The following KPNA1 variants were observed in gnomAD, a reference collection of about 807,000 sequenced individuals.
KPNA1 encodes the protein karyopherin subunit alpha 1.
KPNA1 carries 10 observed loss-of-function variants against 70.5 expected under a neutral mutation model. The ratio of observed to expected loss-of-function variants is 0.14; its 90% CI spans 0.09 to 0.24. The LOEUF (loss-of-function observed/expected upper bound fraction) is 0.24. Among genes scored for constraint, KPNA1 ranks in the 10% least tolerant of loss-of-function variants. The pLI, the probability that KPNA1 is intolerant of heterozygous loss-of-function variation, is 1.00. For synonymous variants in KPNA1, 192 were observed against 221.9 expected, an observed-to-expected ratio of 0.87 and a Z score of 1.20; for missense variants, 397 against 637.9, an observed-to-expected ratio of 0.62 and a Z score of 4.07.
chr3:122,512,948 A>C (rs2107515596), intron 1 of KPNA1, among the ~76,000 whole-genome samples: 2 of 152,336 alleles, frequency 1.3e-5, no homozygotes, highest in East Asian at 3.8e-4. Context: ...AATGTTATGC[A>C]GTCAATATTT....
Position 122,423,730 on chromosome 3 carries a change from C to G in KPNA1, c.*3255G>C, listed in dbSNP as rs746253282. The G allele has an allele frequency of 6.6e-6, 1 of 152,606 alleles. No homozygotes were observed. The highest frequency in any genetic ancestry group is 6.5e-5 in the Admixed American group (1 of 15,284). The allele number at this position is 152,606 out of a possible 1,614,324, so 9.5% of individuals were successfully genotyped here. On this transcript the variant is annotated 3_prime_UTR_variant, in exon 14 of 14. Coordinates refer to ENST00000344337, the MANE Select transcript of KPNA1 (RefSeq NM_002264.4). ...AAGTTTGGTTTATAAAATATACTTA[C>G]ATATTGTTTCTTAGGCAAAAATCGG... is the stretch of plus-strand genomic sequence containing the variant.
At chr3:122,442,597 T>G (rs1223748329) in intron 9 of KPNA1, 1 of 153,908 alleles carries the variant, frequency 6.5e-6, no homozygotes, top group Non-Finnish European at 1.4e-5. Flanking sequence ...GTCTTTCAAC[T>G]AAACTTACTA....
At chr3:122,442,321 G>A (rs553526177) in intron 9 of KPNA1, among the ~76,000 whole-genome samples, 65 of 152,162 alleles carry the variant, frequency 4.3e-4, no homozygotes, top group African/African-American at 1.5e-3. Context: ...TAGTACATTT[G>A]GAAAAAACTA....
chr3:122,424,473 A>AT lies in KPNA1; in HGVS notation c.*2511dup, dbSNP rs1271747405. ...AACTTTGATACTTTAAGAAAAAATC[A>AT]TTTTATTGTTAAAAAAGAAAAAAAA... On this transcript the variant is annotated 3_prime_UTR_variant, in exon 14 of 14. Transcript: ENST00000344337. 1.3e-5 allele frequency: 2 copies of AT among 152,354 alleles called. No individual in the cohort carries two copies. The highest frequency in any genetic ancestry group is 2.4e-5 in the African/African-American group (1 of 41,436). The allele number at this position is 152,354 out of a possible 1,614,324, so 9.4% of individuals were successfully genotyped here.
intron 2 of KPNA1, among the ~76,000 whole-genome samples, chr3:122,492,575 T>A (rs2076712581): frequency 6.6e-6 from 1 of 152,212 alleles, no homozygotes; most frequent in Non-Finnish European, 1.5e-5. Flanking sequence ...AGCTTCAACA[T>A]CCAATGTAAA....
chr3:122,487,251 C>T (rs898206196), intron 2 of KPNA1, among the ~76,000 whole-genome samples: 19 of 152,104 alleles, frequency 1.2e-4, no homozygotes, highest in African/African-American at 4.1e-4. Context: ...CAAATGCCAA[C>T]AAGCATATGA....
chr3:122,454,528 T>C (rs1306811432), intron 5 of KPNA1, among the ~76,000 whole-genome samples: 2 of 152,242 alleles, frequency 1.3e-5, no homozygotes, highest in East Asian at 1.9e-4. Flanking sequence ...GTACCATGTA[T>C]GTTATCTAAT....
At chr3:122,479,349 C>A (rs190524724) in intron 2 of KPNA1, among the ~76,000 whole-genome samples, 9 of 152,310 alleles carry the variant, frequency 5.9e-5, no homozygotes, top group Non-Finnish European at 1.0e-4. Flanking sequence ...AAATCCAAAA[C>A]CACTGCTAAC....
At chr3:122,430,395 G>A (rs1239099867) in intron 12 of KPNA1, among the ~76,000 whole-genome samples, 3 of 152,098 alleles carry the variant, frequency 2.0e-5, no homozygotes, top group Non-Finnish European at 4.4e-5. Context: ...TAACTCAACT[G>A]ATTTATATTA....
chr3:122,428,779 G>A (rs2075857759), intron 12 of KPNA1, among the ~76,000 whole-genome samples: 1 of 152,164 alleles, frequency 6.6e-6, no homozygotes, highest in Non-Finnish European at 1.5e-5. Flanking sequence ...TTTCACACTG[G>A]TGAATTCTGG....
chr3:122,464,662 T>C (rs1358782888), intron 3 of KPNA1, among the ~76,000 whole-genome samples: 1 of 152,246 alleles, frequency 6.6e-6, no homozygotes, highest in Non-Finnish European at 1.5e-5. Context: ...TTCTTTCTTG[T>C]TTTATTAAAA....
chr3:122,501,270 C>T (rs1006894390), intron 1 of KPNA1, among the ~76,000 whole-genome samples: 4 of 152,086 alleles, frequency 2.6e-5, no homozygotes, highest in Non-Finnish European at 5.9e-5. Context: ...AAGTGATCCA[C>T]CCACCTCCGC....
intron 1 of KPNA1, among the ~76,000 whole-genome samples, chr3:122,500,349 T>C (rs1401499468): frequency 6.6e-6 from 1 of 152,098 alleles, no homozygotes; most frequent in Non-Finnish European, 1.5e-5. Context: ...CTCAAACTCC[T>C]GACCTCAGAA....
At chr3:122,505,156 T>C (rs1221903499) in intron 1 of KPNA1, among the ~76,000 whole-genome samples, 3 of 151,242 alleles carry the variant, frequency 2.0e-5, no homozygotes, top group Admixed American at 6.6e-5. Flanking sequence ...ATACAAAAAT[T>C]AGCCAGCATA....
chr3:122,428,741 C>A (rs972646796), intron 12 of KPNA1, among the ~76,000 whole-genome samples: 6 of 152,096 alleles, frequency 3.9e-5, no homozygotes, highest in Non-Finnish European at 8.8e-5. Context: ...TTAATAACTT[C>A]CCAGAATAGA....
At chr3:122,454,078 T>C (rs978106604) in intron 5 of KPNA1, 77 bp from the exon 6 acceptor site, 2 of 999,640 alleles carry the variant, frequency 2.0e-6, no homozygotes, top group African/African-American at 3.3e-5. Flanking sequence ...ACATTTTCTG[T>C]ACATGAAAAA....
chr3:122,443,403 A>G (rs1214196781), intron 9 of KPNA1, among the ~76,000 whole-genome samples: 2 of 152,254 alleles, frequency 1.3e-5, no homozygotes, highest in Admixed American at 1.3e-4. Context: ...GGCAGCAGAC[A>G]ACTTCTACAG....
chr3:122,428,344 A>C (rs1422719268), intron 12 of KPNA1, among the ~76,000 whole-genome samples: 3 of 152,208 alleles, frequency 2.0e-5, no homozygotes, highest in African/African-American at 7.2e-5. Flanking sequence ...GAGTACAGAG[A>C]GGCAGGGATA....
intron 4 of KPNA1, among the ~76,000 whole-genome samples, chr3:122,462,291 C>A (rs938730903): frequency 9.2e-5 from 14 of 151,938 alleles, no homozygotes; most frequent in African/African-American, 2.9e-4. Flanking sequence ...TTTTAAAAAT[C>A]TACATGACTT....
Sources: allele counts gnomAD v4.1 joint callset (sites outside exome capture counted in the v4.1 genomes callset), GRCh38; gene constraint gnomAD v4.1.1; transcripts MANE v1.5; gene names NCBI Gene and HGNC (gene_info 2026-07-23, HGNC 2026-07-21).